The following ARHGAP23 variants were observed in gnomAD, a reference collection of about 807,000 sequenced individuals.
ARHGAP23 encodes rho GTPase-activating protein 23.
ARHGAP23 carries 34 observed loss-of-function variants against 136.3 expected under a neutral mutation model. The ratio of observed to expected loss-of-function variants is 0.25; its 90% CI spans 0.19 to 0.33. The LOEUF (loss-of-function observed/expected upper bound fraction) is 0.33. ARHGAP23 is among the 10% of genes least tolerant of loss of function. The probability of loss-of-function intolerance (pLI) is 1.00; values close to 1 mark genes in which losing one functional copy is unlikely to be tolerated. For missense variants in ARHGAP23, 1,808 were observed against 2,139.0 expected (o/e 0.85, Z 3.05); for synonymous variants, 832 against 920.5 (o/e 0.90, Z 1.74).
chr17:38,463,198 T>C lies in ARHGAP23; in HGVS notation c.428+2T>C. On this transcript the variant is annotated splice_donor_variant, in intron 5 of 23. Coordinates refer to ENST00000622683, the MANE Select transcript of ARHGAP23 (RefSeq NM_001199417.2). LOFTEE classifies it high-confidence loss of function. Reference sequence around the variant, plus strand: ...GGTCATAGCTCTGATCCAGAATAGGTGAGTGTCCCTGACCCCTCGTCCCAT... The same window carrying C: ...GGTCATAGCTCTGATCCAGAATAGGCGAGTGTCCCTGACCCCTCGTCCCAT... 6.4e-7 allele frequency: 1 copy of C among 1,551,328 alleles called. No individual in the cohort carries two copies. Among genetic ancestry groups the C allele is most frequent in the Non-Finnish European group, 8.7e-7 (1 of 1,146,828 alleles).
chr17:38,429,891 C>T (rs1597734036), intron 1 of ARHGAP23, among the ~76,000 whole-genome samples: 1 of 152,200 alleles, frequency 6.6e-6, no homozygotes, highest in African/African-American at 2.4e-5. Context: ...GGGCAACAGA[C>T]CCCATTCCCC....
chr17:38,476,308 C>CA (rs2039890341), intron 11 of ARHGAP23, among the ~76,000 whole-genome samples: 1 of 152,124 alleles, frequency 6.6e-6, no homozygotes, highest in Non-Finnish European at 1.5e-5. Flanking sequence ...GCAGGAAAGA[C>CA]AGAGACGGGA....
chr17:38,452,918 G>A (rs998204723), intron 1 of ARHGAP23, among the ~76,000 whole-genome samples: 1 of 152,208 alleles, frequency 6.6e-6, no homozygotes, highest in Non-Finnish European at 1.5e-5. Context: ...CTAATGGGTA[G>A]GGAGTCCTGG....
chr17:38,483,973 G>A (rs1158363896), intron 16 of ARHGAP23, among the ~76,000 whole-genome samples: 1 of 152,202 alleles, frequency 6.6e-6, no homozygotes, highest in Non-Finnish European at 1.5e-5. Flanking sequence ...GACAGAGAAG[G>A]CATTTGATGG....
chr17:38,499,410 G>A (rs1275896292), intron 22 of ARHGAP23, among the ~76,000 whole-genome samples: 1 of 152,244 alleles, frequency 6.6e-6, no homozygotes, highest in Non-Finnish European at 1.5e-5. Flanking sequence ...CCTGTTTGCA[G>A]GGCCTGTGGC....
chr17:38,478,228 CA>C, intron 12 of ARHGAP23, among the ~76,000 whole-genome samples: 1 of 152,156 alleles, frequency 6.6e-6, no homozygotes, highest in Non-Finnish European at 1.5e-5. Context: ...CTTTTCTCAG[CA>C]GGCGAGGAAG....
intron 1 of ARHGAP23, among the ~76,000 whole-genome samples, chr17:38,431,729 G>A (rs1286719593): frequency 6.6e-6 from 1 of 152,206 alleles, no homozygotes; most frequent in Non-Finnish European, 1.5e-5. Flanking sequence ...GAGGACCAAA[G>A]GGGTGATCGT....
intron 7 of ARHGAP23, among the ~76,000 whole-genome samples, chr17:38,468,331 G>A (rs1472336844): frequency 6.6e-6 from 1 of 152,180 alleles, no homozygotes; most frequent in Admixed American, 6.5e-5. Context: ...GCTGGGTGAT[G>A]CCCAGGTTTC....
At chr17:38,463,477 C>G in intron 6 of ARHGAP23, 95 bp downstream of exon 6, 1 of 1,438,460 alleles carries the variant, frequency 7.0e-7, no homozygotes, top group South Asian at 1.2e-5. Context: ...TTGGAGGGCA[C>G]AGGCCGACAT....
At chr17:38,472,353 G>A (rs2039780398) in intron 11 of ARHGAP23, among the ~76,000 whole-genome samples, 1 of 152,120 alleles carries the variant, frequency 6.6e-6, no homozygotes. Context: ...ATTTCCGTAG[G>A]AGAGCTAAGG....
chr17:38,440,681 G>T (rs916696442), intron 1 of ARHGAP23, among the ~76,000 whole-genome samples: 1 of 152,222 alleles, frequency 6.6e-6, no homozygotes, highest in Non-Finnish European at 1.5e-5. Context: ...AGAGGAACCG[G>T]CTCTGAAGGT....
intron 1 of ARHGAP23, among the ~76,000 whole-genome samples, chr17:38,444,519 G>T (rs1296415788): frequency 6.6e-6 from 1 of 152,174 alleles, no homozygotes; most frequent in Non-Finnish European, 1.5e-5. Flanking sequence ...ACTCTTCCAA[G>T]TTCCTGCCGG....
chr17:38,497,676 TGAGA>T, intron 20 of ARHGAP23, 105 bp from the exon 21 acceptor site: 2 of 1,167,390 alleles, frequency 1.7e-6, no homozygotes, highest in East Asian at 5.1e-5. Context: ...TGGGGTTTGT[TGAGA>T]GAGAGGCGCC....
chr17:38,458,731 C>T (rs993310449), intron 2 of ARHGAP23, among the ~76,000 whole-genome samples: 10 of 152,338 alleles, frequency 6.6e-5, no homozygotes, highest in South Asian at 2.1e-4. Context: ...CCTCCCAGCA[C>T]GCCCCTGGCC....
Position 38,510,844 on chromosome 17 carries a change from C to T in ARHGAP23, c.4348C>T (p.Leu1450=). 1 of 1,508,314 alleles carries T rather than the reference C, an allele frequency of 6.6e-7. No homozygotes were observed. The highest frequency in any genetic ancestry group is 8.8e-7 in the Non-Finnish European group (1 of 1,134,278). The allele number at this position is 1,508,314 out of a possible 1,614,324, so 93.4% of individuals were successfully genotyped here. The stretch of plus-strand genomic sequence containing the variant: ...CAACAAGGACTCCGGACTCAGCAGC[C>T]TGGAGTCCACCAAGGCGCGGGCCCC... ...SDNKDSGLSS[L]ESTKARAPSS... The change falls in exon 24 of 24, where the codon CTG becomes TTG. Residue 1450 remains leucine (L), a synonymous_variant. Transcript: ENST00000622683. This position sits in a 1 kb window ranked among gnomAD's most constrained non-coding sequence, Gnocchi z 4.6.
intron 23 of ARHGAP23, among the ~76,000 whole-genome samples, chr17:38,503,835 C>A (rs1271308196): frequency 6.6e-6 from 1 of 152,208 alleles, no homozygotes; most frequent in Non-Finnish European, 1.5e-5. Context: ...TCAGAGACTT[C>A]ACTGTGACCC....
intron 23 of ARHGAP23, among the ~76,000 whole-genome samples, chr17:38,505,889 T>C (rs947152657): frequency 5.9e-5 from 9 of 152,170 alleles, no homozygotes; most frequent in Admixed American, 2.0e-4. Flanking sequence ...GATTGCACCA[T>C]TGCATTCCCA....
intron 6 of ARHGAP23, among the ~76,000 whole-genome samples, chr17:38,464,575 G>A (rs2039538294): frequency 6.6e-6 from 1 of 152,226 alleles, no homozygotes; most frequent in Admixed American, 6.5e-5. Context: ...CTCTTCCTGG[G>A]GAGAGGGAGG....
chr17:38,479,928 G>A (rs2144710395), intron 14 of ARHGAP23, 45 bp downstream of exon 14: 1 of 1,505,918 alleles, frequency 6.6e-7, no homozygotes, highest in Non-Finnish European at 9.0e-7. Context: ...GGGGGCAGGG[G>A]GCATGGGGAG....
Sources: allele counts gnomAD v4.1 joint callset (sites outside exome capture counted in the v4.1 genomes callset), GRCh38; gene constraint gnomAD v4.1.1; non-coding constraint Gnocchi (gnomAD v3.1); transcripts MANE v1.5; gene names NCBI Gene and HGNC (gene_info 2026-07-23, HGNC 2026-07-21).